The following GRID2 variants were observed in gnomAD, a reference collection of about 807,000 sequenced individuals.
The protein encoded by GRID2 is glutamate receptor ionotropic, delta-2.
GRID2 carries 33 observed loss-of-function variants against 114.8 expected under a neutral mutation model. The observed-to-expected ratio is 0.29, with a 90% CI of 0.22 to 0.38. The LOEUF is 0.38. Among genes scored for constraint, GRID2 ranks in the 10% least tolerant of loss-of-function variants. GRID2 has a pLI of 1.00. For synonymous variants in GRID2, 505 were observed against 449.9 expected, an observed-to-expected ratio of 1.12 and a Z score of -1.55; for missense variants, 1,184 against 1,257.7, an observed-to-expected ratio of 0.94 and a Z score of 0.89.
At chr4:93,615,217 A>G (rs1238865845) in intron 13 of GRID2, among the ~76,000 whole-genome samples, 1 of 152,220 alleles carries the variant, frequency 6.6e-6, no homozygotes, top group Non-Finnish European at 1.5e-5. Context: ...CTTTGATTCT[A>G]CAAGCTTTCT....
chr4:92,943,550 T>C (rs929626166), intron 2 of GRID2, among the ~76,000 whole-genome samples: 1 of 152,152 alleles, frequency 6.6e-6, no homozygotes, highest in Non-Finnish European at 1.5e-5. Flanking sequence ...CGGAGTAGTT[T>C]GATCGTCTGA....
intron 4 of GRID2, among the ~76,000 whole-genome samples, chr4:93,196,757 G>A (rs904357951): frequency 5.9e-5 from 9 of 152,230 alleles, no homozygotes; most frequent in Admixed American, 2.0e-4. Context: ...AAGAATCGTC[G>A]TCCAATTTCT....
intron 2 of GRID2, among the ~76,000 whole-genome samples, chr4:92,674,555 C>T (rs1733240529): frequency 6.6e-6 from 1 of 152,092 alleles, no homozygotes; most frequent in Non-Finnish European, 1.5e-5. Flanking sequence ...TGGAGTCTTG[C>T]TCTGTTGCCC....
At chr4:93,488,221 C>A (rs1726603316) in intron 11 of GRID2, among the ~76,000 whole-genome samples, 1 of 147,442 alleles carries the variant, frequency 6.8e-6, no homozygotes, top group Non-Finnish European at 1.5e-5. Flanking sequence ...ACCAGAAAAT[C>A]CTCATATGGA....
At chr4:92,444,495 CT>C (rs878948010) in intron 1 of GRID2, among the ~76,000 whole-genome samples, 1 of 152,098 alleles carries the variant, frequency 6.6e-6, no homozygotes, top group African/African-American at 2.4e-5. Context: ...AAGGCAAGGA[CT>C]GGCCATTTAC....
At chr4:93,362,600 GC>G (rs1761978976) in intron 8 of GRID2, among the ~76,000 whole-genome samples, 1 of 151,992 alleles carries the variant, frequency 6.6e-6, no homozygotes, top group South Asian at 2.1e-4. Context: ...GTGCCTTAAA[GC>G]TTTTGTTCAA....
intron 4 of GRID2, among the ~76,000 whole-genome samples, chr4:93,156,193 A>G (rs1047632856): frequency 2.0e-5 from 3 of 151,864 alleles, no homozygotes; most frequent in Non-Finnish European, 4.4e-5. Flanking sequence ...ACAGTGTTAT[A>G]TGAGTTTATA....
At chr4:92,855,453 G>A (rs1744107864) in intron 2 of GRID2, among the ~76,000 whole-genome samples, 1 of 151,900 alleles carries the variant, frequency 6.6e-6, no homozygotes, top group Non-Finnish European at 1.5e-5. Flanking sequence ...AATCACTTTA[G>A]ATGACCATGG....
chr4:92,955,588 T>C (rs1752343531), intron 2 of GRID2, among the ~76,000 whole-genome samples: 1 of 152,178 alleles, frequency 6.6e-6, no homozygotes, highest in African/African-American at 2.4e-5. Context: ...CTGATGGTAG[T>C]TTCTTTTGCT....
intron 1 of GRID2, among the ~76,000 whole-genome samples, chr4:92,561,245 C>T (rs993817592): frequency 1.3e-5 from 2 of 152,156 alleles, no homozygotes; most frequent in South Asian, 2.1e-4. Flanking sequence ...TAAAACTGAA[C>T]ATTTCTTAAA....
Position 93,316,984 on chromosome 4 carries a change from A to G in GRID2, c.1245+78494A>G, listed in dbSNP as rs1284365977. Among the ~76,000 whole-genome samples the G allele has an allele frequency of 2.0e-5, 3 of 152,158 alleles. No individual in the cohort carries two copies. The East Asian group carries it at 5.8e-4, about 29-fold the overall frequency. ...TTACTAAGAAACCAGACCATAACTAAGAAGGGATTTAGGTATGAGAAGTCT... is the reference window on the plus strand; with the variant it reads ...TTACTAAGAAACCAGACCATAACTAGGAAGGGATTTAGGTATGAGAAGTCT... On this transcript the variant is annotated intron_variant, in intron 8 of 15. Coordinates refer to ENST00000282020, the MANE Select transcript of GRID2 (RefSeq NM_001510.4).
chr4:93,076,531 A>T (rs566297997), intron 2 of GRID2, among the ~76,000 whole-genome samples: 3 of 151,890 alleles, frequency 2.0e-5, no homozygotes, highest in Non-Finnish European at 2.9e-5. Context: ...AATGAAAGTG[A>T]AATTATCAAG....
chr4:92,549,029 A>G (rs1252775359), intron 1 of GRID2, among the ~76,000 whole-genome samples: 1 of 151,944 alleles, frequency 6.6e-6, no homozygotes, highest in East Asian at 2.0e-4. Flanking sequence ...TTTGGTTGGT[A>G]CATGTATCCA....
chr4:92,527,976 CAG>C (rs1289323564), intron 1 of GRID2, among the ~76,000 whole-genome samples: 5 of 151,864 alleles, frequency 3.3e-5, no homozygotes, highest in Non-Finnish European at 1.5e-5. Flanking sequence ...TAAATAGTGA[CAG>C]TAATAATGCT....
intron 2 of GRID2, among the ~76,000 whole-genome samples, chr4:92,674,454 A>T (rs1006616882): frequency 6.6e-6 from 1 of 152,214 alleles, no homozygotes; most frequent in African/African-American, 2.4e-5. Context: ...TTATTTTTAC[A>T]GTTTCAACTT....
At chr4:92,491,568 C>A (rs1723149705) in intron 1 of GRID2, among the ~76,000 whole-genome samples, 1 of 152,074 alleles carries the variant, frequency 6.6e-6, no homozygotes, top group Admixed American at 6.6e-5. Flanking sequence ...ATTAATGATG[C>A]AATGACTTGT....
intron 12 of GRID2, among the ~76,000 whole-genome samples, chr4:93,503,388 A>C (rs1233963821): frequency 6.6e-6 from 1 of 151,990 alleles, no homozygotes; most frequent in Non-Finnish European, 1.5e-5. Flanking sequence ...GGTTTGTTAC[A>C]TATGTATACA....
intron 2 of GRID2, among the ~76,000 whole-genome samples, chr4:92,957,268 G>A (rs1183228163): frequency 1.3e-5 from 2 of 151,858 alleles, no homozygotes; most frequent in Non-Finnish European, 2.9e-5. Flanking sequence ...TTATGTTGTA[G>A]GAGTTTAATA....
chr4:93,684,438 T>G (rs1283047621), intron 14 of GRID2, among the ~76,000 whole-genome samples: 2 of 152,176 alleles, frequency 1.3e-5, no homozygotes, highest in African/African-American at 4.8e-5. Flanking sequence ...GTGTTCTTTT[T>G]GTTACCATTG....
Sources: allele counts gnomAD v4.1 joint callset (sites outside exome capture counted in the v4.1 genomes callset), GRCh38; gene constraint gnomAD v4.1.1; transcripts MANE v1.5; gene names NCBI Gene and HGNC (gene_info 2026-07-23, HGNC 2026-07-21).